The following SZRD1 variants were observed in gnomAD, a reference collection of about 807,000 sequenced individuals.
SZRD1 encodes the protein SUZ RNA-binding domain-containing.
SZRD1 carries 7 observed loss-of-function variants against 17.6 expected under a neutral mutation model. That is an observed-to-expected ratio of 0.40 (90% CI 0.23 to 0.75). SZRD1 has a LOEUF of 0.75. Ranked by LOEUF, SZRD1 falls within the 30% of genes least tolerant of loss-of-function variation. The pLI, the probability that SZRD1 is intolerant of heterozygous loss-of-function variation, is 0.38. For synonymous variants in SZRD1, 77 were observed against 77.9 expected (o/e 0.99, Z 0.06); for missense variants, 178 against 201.8 (o/e 0.88, Z 0.71).
At position 16,393,577 on chromosome 1, in the gene SZRD1, A is replaced by G. The variant is rs1399833496; in HGVS notation, c.356+95A>G. Reference sequence around the variant, plus strand: ...GCTGCGTGTAGAGTAGTGAGAAGCAAGCAGAGTCAGGGTAGGAACCATGCA... The same window carrying G: ...GCTGCGTGTAGAGTAGTGAGAAGCAGGCAGAGTCAGGGTAGGAACCATGCA... On this transcript the variant is annotated intron_variant, in intron 3 of 3. Transcript: ENST00000401088. This position sits in a 1 kb window ranked among gnomAD's most constrained non-coding sequence, Gnocchi z 5.6. 5.2e-6 allele frequency: 7 copies of G among 1,350,554 alleles called. No homozygotes were observed. Among genetic ancestry groups the G allele is most frequent in the South Asian group, 1.4e-5 (1 of 73,108 alleles). The allele number at this position is 1,350,554 out of a possible 1,614,324, so 83.7% of individuals were successfully genotyped here.
At chr1:16,372,608 T>C (rs1446701793) in intron 1 of SZRD1, among the ~76,000 whole-genome samples, 4 of 152,222 alleles carry the variant, frequency 2.6e-5, no homozygotes, top group Non-Finnish European at 4.4e-5. Context: ...ATCTTGCAAG[T>C]TTCCTTTTAT....
intron 1 of SZRD1, among the ~76,000 whole-genome samples, chr1:16,373,469 C>T (rs1165728490): frequency 1.4e-5 from 1 of 70,908 alleles, no homozygotes; most frequent in Non-Finnish European, 4.1e-5. Context: ...ATCCCAGCTA[C>T]TCGGGAGGCC....
Position 16,393,227 on chromosome 1 carries a change from G to T in SZRD1, c.102-1G>T. On this transcript the variant is annotated splice_acceptor_variant, in intron 2 of 3. Transcript: ENST00000401088. LOFTEE classifies it high-confidence loss of function. This position sits in a 1 kb window ranked among gnomAD's most constrained non-coding sequence, Gnocchi z 5.6. ...GTGAAGCTGTGTTTGCTCTTTGTCAGCAGGAAATCCAAATCTCCTCCCAAA... is the reference window on the plus strand; with the variant it reads ...GTGAAGCTGTGTTTGCTCTTTGTCATCAGGAAATCCAAATCTCCTCCCAAA... 1 of 1,613,610 alleles carries T rather than the reference G, an allele frequency of 6.2e-7. No homozygotes were observed. The highest frequency in any genetic ancestry group is 8.5e-7 in the Non-Finnish European group (1 of 1,179,602).
rs1034573360 is a variant in SZRD1, at chr1:16,395,305, T to A, written c.*165T>A. 2 of 669,506 alleles carry A rather than the reference T, an allele frequency of 3.0e-6. No homozygotes were observed. The highest frequency in any genetic ancestry group is 3.6e-5 in the African/African-American group (2 of 56,090). The allele number at this position is 669,506 out of a possible 1,614,324, so 41.5% of individuals were successfully genotyped here. On this transcript the variant is annotated 3_prime_UTR_variant, in exon 4 of 4. Transcript: ENST00000401088. ...CCGCCCACTGTGACCTTGAACCCCA[T>A]GCACTGTGACCTCCCCCCTTCTCCC...
intron 1 of SZRD1, among the ~76,000 whole-genome samples, chr1:16,379,763 T>TG (rs2083064743): frequency 6.7e-6 from 1 of 149,218 alleles, no homozygotes; most frequent in Non-Finnish European, 1.5e-5. Flanking sequence ...ATTTGGGGTT[T>TG]TTTTTTTTTT....
intron 1 of SZRD1, among the ~76,000 whole-genome samples, chr1:16,383,114 C>T (rs1557626773): frequency 6.6e-6 from 1 of 152,200 alleles, no homozygotes; most frequent in Admixed American, 6.5e-5. Context: ...GATGCACCCA[C>T]CTCGGCCTCC....
At position 16,395,192 on chromosome 1, in the gene SZRD1, G is replaced by A. The variant is rs777235424; in HGVS notation, c.*52G>A. On this transcript the variant is annotated 3_prime_UTR_variant, in exon 4 of 4. Transcript: ENST00000401088. ...TGCTGCCGTCACCGCCTCCTGGGTC[G>A]TCCGCCACGGGTTGCACTGCCGTGG... The A allele has an allele frequency of 1.1e-5, 15 of 1,332,626 alleles. No homozygotes were observed. Among genetic ancestry groups the A allele is most frequent in the Middle Eastern group, 1.8e-4 (1 of 5,552 alleles). 82.6% of individuals were successfully genotyped at this position (1,332,626 alleles called of 1,614,324 possible).
At chr1:16,379,883 C>A (rs954814366) in intron 1 of SZRD1, among the ~76,000 whole-genome samples, 5 of 151,662 alleles carry the variant, frequency 3.3e-5, no homozygotes, top group African/African-American at 1.2e-4. Context: ...GCCTCAGCCT[C>A]CCAAGTAGGT....
At position 16,395,323 on chromosome 1, in the gene SZRD1, C is replaced by T. The variant is rs951850683; in HGVS notation, c.*183C>T. The T allele has an allele frequency of 1.9e-5, 12 of 636,742 alleles. No homozygotes were observed. The highest frequency in any genetic ancestry group is 3.2e-5 in the Non-Finnish European group (11 of 341,450). 39.4% of individuals were successfully genotyped at this position (636,742 alleles called of 1,614,324 possible). A position where few individuals can be genotyped will look rare whatever the true frequency, so the allele number is the denominator to read the frequency against. ...AACCCCATGCACTGTGACCTCCCCC[C>T]TTCTCCCCCTTCCCACTGTGATTGG... is the stretch of plus-strand genomic sequence containing the variant. On this transcript the variant is annotated 3_prime_UTR_variant, in exon 4 of 4. Transcript: ENST00000401088.
chr1:16,383,614 C>A (rs1196190125), intron 1 of SZRD1, among the ~76,000 whole-genome samples: 2 of 144,858 alleles, frequency 1.4e-5, no homozygotes, highest in African/African-American at 2.5e-5. Context: ...TTCTTTCTTT[C>A]TTTTTTTCCT....
intron 1 of SZRD1, chr1:16,367,938 C>G (rs1403335370): frequency 6.6e-6 from 1 of 152,302 alleles, no homozygotes; most frequent in Non-Finnish European, 1.5e-5. Flanking sequence ...CAACCGAAAG[C>G]TCTGCGGGGC....
chr1:16,371,265 C>T (rs918909221), intron 1 of SZRD1, among the ~76,000 whole-genome samples: 1 of 151,586 alleles, frequency 6.6e-6, no homozygotes, highest in African/African-American at 2.4e-5. Flanking sequence ...ACACTCACTG[C>T]AGTCTCAGGC....
In SZRD1 at chr1:16,395,327, T is replaced by TCCCCCTTCC. The variant is rs2085293263; in HGVS notation, c.*189_*197dup. 3 of 612,478 alleles carry TCCCCCTTCC rather than the reference T, an allele frequency of 4.9e-6. No individual in the cohort carries two copies. In the African/African-American group the frequency reaches 5.5e-5, roughly 11 times the overall value. 37.9% of individuals were successfully genotyped at this position (612,478 alleles called of 1,614,324 possible). A position where few individuals can be genotyped will look rare whatever the true frequency, so the allele number is the denominator to read the frequency against. ...CCATGCACTGTGACCTCCCCCCTTC[T>TCCCCCTTCC]CCCCCTTCCCACTGTGATTGGCACA... On this transcript the variant is annotated 3_prime_UTR_variant, in exon 4 of 4. Transcript: ENST00000401088.
intron 1 of SZRD1, among the ~76,000 whole-genome samples, chr1:16,384,033 A>T (rs2083148991): frequency 6.6e-6 from 1 of 152,236 alleles, no homozygotes; most frequent in Non-Finnish European, 1.5e-5. Context: ...TGTAAAATCA[A>T]ACCTGGGGTG....
intron 1 of SZRD1, chr1:16,387,230 C>T (rs2085140743): frequency 2.2e-6 from 1 of 449,952 alleles, no homozygotes; most frequent in Non-Finnish European, 4.4e-6. Flanking sequence ...CTACGATGTC[C>T]TCTTGAAGCG....
chr1:16,385,779 A>C (rs1056715428), intron 1 of SZRD1, among the ~76,000 whole-genome samples: 1 of 152,118 alleles, frequency 6.6e-6, no homozygotes, highest in Non-Finnish European at 1.5e-5. Flanking sequence ...CATTTATAGC[A>C]AGGTTAAGGG....
intron 1 of SZRD1, among the ~76,000 whole-genome samples, chr1:16,386,214 C>T (rs1442076093): frequency 6.6e-6 from 1 of 152,224 alleles, no homozygotes; most frequent in Non-Finnish European, 1.5e-5. Flanking sequence ...TATGCTTGTG[C>T]CCTAGCACTT....
At chr1:16,380,349 G>A (rs2083078632) in intron 1 of SZRD1, among the ~76,000 whole-genome samples, 1 of 151,228 alleles carries the variant, frequency 6.6e-6, no homozygotes, top group Non-Finnish European at 1.5e-5. Context: ...CTGTCTCCCA[G>A]GCTGGAGTGC....
chr1:16,379,346 G>A (rs1030818581), intron 1 of SZRD1, among the ~76,000 whole-genome samples: 7 of 150,848 alleles, frequency 4.6e-5, no homozygotes, highest in Admixed American at 2.0e-4. Context: ...CTCGTGATCC[G>A]CCCGCCTCGT....
Sources: gnomAD v4.1 joint callset for allele counts (sites outside exome capture counted in the v4.1 genomes callset) on GRCh38, gnomAD v4.1.1 for gene constraint, Gnocchi (gnomAD v3.1) non-coding constraint, MANE v1.5 for transcripts, NCBI Gene and HGNC (gene_info 2026-07-23, HGNC 2026-07-21) for gene names.